The following CSMD1 variants were observed in gnomAD, a reference collection of about 807,000 sequenced individuals.
CSMD1 encodes the protein CUB and Sushi multiple domains 1, also known as CUB and sushi domain-containing protein 1.
CSMD1 carries 213 observed loss-of-function variants against 417.5 expected under a neutral mutation model. That is an observed-to-expected ratio of 0.51 (90% CI 0.46 to 0.57). The LOEUF (loss-of-function observed/expected upper bound fraction) is 0.57. CSMD1 is among the 20% of genes least tolerant of loss of function. The pLI is 0.00. For missense variants in CSMD1, 6,923 were observed against 4,529.7 expected (o/e 1.53, Z -15.17); for synonymous variants, 2,862 against 1,736.8 (o/e 1.65, Z -16.11).
chr8:3,232,568 C>T (rs1420264327), intron 26 of CSMD1, among the ~76,000 whole-genome samples: 1 of 152,182 alleles, frequency 6.6e-6, no homozygotes, highest in African/African-American at 2.4e-5. Flanking sequence ...GCTGCTGGTA[C>T]ACATTTGCTC....
intron 3 of CSMD1, among the ~76,000 whole-genome samples, chr8:4,282,195 G>A (rs1467125646): frequency 6.6e-6 from 1 of 152,188 alleles, no homozygotes; most frequent in Non-Finnish European, 1.5e-5. Flanking sequence ...GATCAATAGT[G>A]ATTTTTTGTG....
chr8:3,964,818 GAAAT>G (rs1321955152), intron 5 of CSMD1, among the ~76,000 whole-genome samples: 5 of 152,192 alleles, frequency 3.3e-5, no homozygotes, highest in African/African-American at 1.2e-4. Flanking sequence ...GCTCACAAAT[GAAAT>G]AATACACGGT....
At chr8:3,880,188 G>C (rs141897781) in intron 5 of CSMD1, among the ~76,000 whole-genome samples, 194 of 152,206 alleles carry the variant, frequency 1.3e-3, no homozygotes, top group Middle Eastern at 6.8e-3. Context: ...GAATAGCCAA[G>C]AGGAGCAGTT....
chr8:4,195,403 T>C (rs1393758744), intron 3 of CSMD1, among the ~76,000 whole-genome samples: 1 of 152,172 alleles, frequency 6.6e-6, no homozygotes, highest in Non-Finnish European at 1.5e-5. Flanking sequence ...AAAATCTGTT[T>C]GACCCACCGA....
At chr8:4,991,792 G>C (rs1331009434) in intron 1 of CSMD1, among the ~76,000 whole-genome samples, 1 of 152,232 alleles carries the variant, frequency 6.6e-6, no homozygotes, top group African/African-American at 2.4e-5. Context: ...TCCGGCGCTG[G>C]CGTCACCAGC....
chr8:3,128,196 C>G (rs944186913), intron 41 of CSMD1: 1 of 152,094 alleles, frequency 6.6e-6, no homozygotes, highest in Admixed American at 6.6e-5. Flanking sequence ...AACTATTATT[C>G]ACATCAAGTT....
intron 1 of CSMD1, among the ~76,000 whole-genome samples, chr8:4,902,901 C>A (rs535665583): frequency 6.6e-6 from 1 of 151,106 alleles, no homozygotes; most frequent in East Asian, 1.9e-4. Context: ...TATATTTTTA[C>A]ACAAGCAATA....
chr8:4,422,062 C>G (rs1374367982), intron 2 of CSMD1, among the ~76,000 whole-genome samples: 1 of 152,054 alleles, frequency 6.6e-6, no homozygotes, highest in Non-Finnish European at 1.5e-5. Flanking sequence ...GGGTCACTAA[C>G]TCAAACAAAT....
chr8:4,068,769 G>T (rs1038463158), intron 3 of CSMD1, among the ~76,000 whole-genome samples: 2 of 152,104 alleles, frequency 1.3e-5, no homozygotes, highest in South Asian at 4.1e-4. Flanking sequence ...ATGATTTTCT[G>T]AACAGATTAG....
chr8:3,417,585 T>C (rs1340745594), intron 12 of CSMD1, among the ~76,000 whole-genome samples: 1 of 152,198 alleles, frequency 6.6e-6, no homozygotes, highest in Non-Finnish European at 1.5e-5. Flanking sequence ...CCATAGCTAC[T>C]ACATGCGGGA....
chr8:3,964,219 G>C (rs534021619), intron 5 of CSMD1, among the ~76,000 whole-genome samples: 12 of 152,298 alleles, frequency 7.9e-5, no homozygotes, highest in African/African-American at 1.2e-4. Flanking sequence ...GTATAAATGA[G>C]AGTGATTTAC....
intron 54 of CSMD1, among the ~76,000 whole-genome samples, chr8:2,981,206 T>A (rs1419917003): frequency 6.6e-6 from 1 of 152,216 alleles, no homozygotes; most frequent in East Asian, 1.9e-4. Context: ...CAGAGAAGAA[T>A]TTATCTGCCA....
At chr8:4,075,340 GCTCT>G (rs762685066) in intron 3 of CSMD1, among the ~76,000 whole-genome samples, 36 of 152,132 alleles carry the variant, frequency 2.4e-4, no homozygotes, top group East Asian at 1.7e-3. Flanking sequence ...AGAATATAGA[GCTCT>G]CTAAGATGAA....
chr8:3,163,313 CACA>C (rs1473352004), intron 37 of CSMD1, among the ~76,000 whole-genome samples: 8 of 151,980 alleles, frequency 5.3e-5, no homozygotes, highest in African/African-American at 1.9e-4. Context: ...TCTTGTACTT[CACA>C]ACAACAGGAG....
At chr8:4,555,525 T>A (rs147025783) in intron 2 of CSMD1, among the ~76,000 whole-genome samples, 14 of 152,276 alleles carry the variant, frequency 9.2e-5, no homozygotes, top group African/African-American at 2.9e-4. Flanking sequence ...CTACTCTCCA[T>A]CTGCATCCCA....
At chr8:3,290,148 A>G (rs1803442713) in intron 25 of CSMD1, among the ~76,000 whole-genome samples, 1 of 146,454 alleles carries the variant, frequency 6.8e-6, no homozygotes, top group Admixed American at 6.7e-5. Context: ...GATATGCAGC[A>G]TTATTTCTGA....
At chr8:3,902,021 ATTT>A (rs1480418341) in intron 5 of CSMD1, among the ~76,000 whole-genome samples, 2 of 151,928 alleles carry the variant, frequency 1.3e-5, no homozygotes, top group Non-Finnish European at 2.9e-5. Flanking sequence ...ACTCTATTCC[ATTT>A]ATTATACGTT....
chr8:3,431,859 C>T (rs543043427), intron 12 of CSMD1, among the ~76,000 whole-genome samples: 12 of 152,296 alleles, frequency 7.9e-5, no homozygotes, highest in African/African-American at 1.7e-4. Flanking sequence ...CCTGCCACCA[C>T]GCCCACAGTG....
chr8:4,263,938 T>A (rs1804059779), intron 3 of CSMD1, among the ~76,000 whole-genome samples: 1 of 152,156 alleles, frequency 6.6e-6, no homozygotes, highest in Admixed American at 6.6e-5. Context: ...TTTTTCTATC[T>A]ATATAATGCA....
Sources: gnomAD v4.1 joint callset for allele counts (sites outside exome capture counted in the v4.1 genomes callset) on GRCh38, gnomAD v4.1.1 for gene constraint, MANE v1.5 for transcripts, NCBI Gene and HGNC (gene_info 2026-07-23, HGNC 2026-07-21) for gene names.